The following FSHR variants were observed in gnomAD, a reference collection of about 807,000 sequenced individuals.
FSHR encodes follicle-stimulating hormone receptor.
A neutral mutation model predicts 52.1 loss-of-function variants in FSHR; 46 were observed. The ratio of observed to expected loss-of-function variants is 0.88; its 90% confidence interval spans 0.70 to 1.13. FSHR has a LOEUF of 1.13. FSHR is among the 50% of genes most tolerant of loss of function. The pLI is 0.00. For missense variants in FSHR, 964 were observed against 834.6 expected, an observed-to-expected ratio of 1.16 and a Z score of -1.91; for synonymous variants, 399 against 309.6, an observed-to-expected ratio of 1.29 and a Z score of -3.03.
At chr2:49,150,285 T>A (rs1673014677) in intron 1 of FSHR, among the ~76,000 whole-genome samples, 1 of 152,070 alleles carries the variant, frequency 6.6e-6, no homozygotes, top group African/African-American at 2.4e-5. Context: ...AAGTGCTAGA[T>A]ACCCTGGGAG....
At chr2:49,082,993 A>G (rs1330478270) in intron 1 of FSHR, among the ~76,000 whole-genome samples, 1 of 151,586 alleles carries the variant, frequency 6.6e-6, no homozygotes, top group Non-Finnish European at 1.5e-5. Flanking sequence ...AAATACAGAG[A>G]ACGCCACAAA....
intron 1 of FSHR, among the ~76,000 whole-genome samples, chr2:49,079,918 T>C (rs1397012845): frequency 6.6e-6 from 1 of 152,156 alleles, no homozygotes; most frequent in Non-Finnish European, 1.5e-5. Context: ...AACTGAACTG[T>C]AGTTTATGTG....
chr2:49,020,191 A>G, intron 2 of FSHR, 31 bp from the exon 3 acceptor site: 1 of 1,553,934 alleles, frequency 6.4e-7, no homozygotes, highest in Non-Finnish European at 8.9e-7. Flanking sequence ...AAGTCAAGCC[A>G]GTTCAGTTAC....
intron 4 of FSHR, among the ~76,000 whole-genome samples, chr2:49,013,836 A>G (rs1008802692): frequency 6.6e-6 from 1 of 152,080 alleles, no homozygotes; most frequent in African/African-American, 2.4e-5. Context: ...ATTTAAGGGT[A>G]GAGCCTCTGG....
intron 2 of FSHR, among the ~76,000 whole-genome samples, chr2:49,067,341 T>C (rs377420370): frequency 1.1e-4 from 17 of 152,252 alleles, no homozygotes; most frequent in African/African-American, 3.8e-4. Flanking sequence ...GGAAGTACTA[T>C]TCTTAAAGGG....
chr2:48,997,239 G>T, intron 4 of FSHR: 1 of 985,090 alleles, frequency 1.0e-6, no homozygotes. Flanking sequence ...ATGTGAGACA[G>T]TAGGAAAGCC....
intron 8 of FSHR, among the ~76,000 whole-genome samples, chr2:48,970,117 G>T (rs1674672097): frequency 2.0e-5 from 3 of 152,258 alleles, no homozygotes; most frequent in African/African-American, 7.2e-5. Context: ...ATATATATTT[G>T]CTACCCCATA....
At chr2:49,023,833 T>C (rs966716222) in intron 2 of FSHR, among the ~76,000 whole-genome samples, 1 of 152,178 alleles carries the variant, frequency 6.6e-6, no homozygotes, top group Non-Finnish European at 1.5e-5. Context: ...GATAGGGACA[T>C]GTGCTTCCAT....
In FSHR at chr2:48,964,340, G is replaced by A. The variant is rs376799321; in HGVS notation, c.855-374C>T. ...AGCTATCTCTTAATACACCTGAGTA[G>A]GACATATTCCTATTCGTCTACACTC... On this transcript the variant is annotated intron_variant, in intron 9 of 9. Transcript: ENST00000406846. Among the ~76,000 whole-genome samples the A allele has an allele frequency of 5.3e-5, 8 of 152,168 alleles. No homozygotes were observed. In the East Asian group the frequency reaches 1.2e-3, roughly 22 times the overall value.
chr2:49,017,858 C>T (rs1473767290), intron 3 of FSHR, among the ~76,000 whole-genome samples: 2 of 152,228 alleles, frequency 1.3e-5, no homozygotes, highest in East Asian at 3.9e-4. Context: ...GGGTTCTTGT[C>T]ACCCTGAGCA....
chr2:49,028,957 G>C (rs989931190), intron 2 of FSHR, among the ~76,000 whole-genome samples: 2 of 152,208 alleles, frequency 1.3e-5, no homozygotes, highest in Non-Finnish European at 2.9e-5. Context: ...AAGGTTAAGA[G>C]TCTAGTACCC....
intron 1 of FSHR, among the ~76,000 whole-genome samples, chr2:49,112,303 A>C (rs961732130): frequency 6.6e-6 from 1 of 152,202 alleles, no homozygotes; most frequent in African/African-American, 2.4e-5. Flanking sequence ...TAGAATACAC[A>C]AATATAACAC....
At chr2:49,130,828 C>A (rs552202954) in intron 1 of FSHR, among the ~76,000 whole-genome samples, 1 of 152,262 alleles carries the variant, frequency 6.6e-6, no homozygotes, top group East Asian at 1.9e-4. Context: ...CGAGGCTGGC[C>A]AACCTTCCCT....
chr2:48,979,284 C>T (rs1559090680), intron 8 of FSHR, among the ~76,000 whole-genome samples: 1 of 151,594 alleles, frequency 6.6e-6, no homozygotes, highest in African/African-American at 2.4e-5. Flanking sequence ...GTCTCTGCAA[C>T]AAAAAAAATG....
intron 2 of FSHR, among the ~76,000 whole-genome samples, chr2:49,057,034 G>C (rs1276073466): frequency 6.6e-6 from 1 of 151,862 alleles, no homozygotes; most frequent in African/African-American, 2.4e-5. Context: ...GTTTATATCA[G>C]TAAACCCCTA....
chr2:49,124,895 C>G (rs958380639), intron 1 of FSHR, among the ~76,000 whole-genome samples: 4 of 152,228 alleles, frequency 2.6e-5, no homozygotes, highest in African/African-American at 9.6e-5. Context: ...CCACTGGCCC[C>G]TCATTACATG....
At chr2:48,990,472 G>T in intron 5 of FSHR, 94 bp downstream of exon 5, 1 of 849,460 alleles carries the variant, frequency 1.2e-6, no homozygotes, top group Non-Finnish European at 2.1e-6. Context: ...TTTGGAGGAT[G>T]TAGACTACAC....
At chr2:49,070,901 C>A (rs1386795144) in intron 1 of FSHR, among the ~76,000 whole-genome samples, 1 of 151,866 alleles carries the variant, frequency 6.6e-6, no homozygotes, top group Non-Finnish European at 1.5e-5. Flanking sequence ...ATGAGAAATC[C>A]CCAGGGGCTC....
chr2:49,091,939 T>G (rs1037923867), intron 1 of FSHR, among the ~76,000 whole-genome samples: 1 of 152,246 alleles, frequency 6.6e-6, no homozygotes, highest in African/African-American at 2.4e-5. Flanking sequence ...TTGTTTGTAA[T>G]TATGTTAACC....
Sources: gnomAD v4.1 joint callset for allele counts (sites outside exome capture counted in the v4.1 genomes callset) on GRCh38, gnomAD v4.1.1 for gene constraint, MANE v1.5 for transcripts, NCBI Gene and HGNC (gene_info 2026-07-23, HGNC 2026-07-21) for gene names.